Variants in PLEKHA7 observed in about 807,000 individuals in gnomAD.
PLEKHA7 encodes pleckstrin homology domain-containing family A member 7.
Under a neutral mutation model 170.0 loss-of-function variants are expected in PLEKHA7, and 104 were observed. The ratio of observed to expected loss-of-function variants is 0.61; its 90% CI spans 0.52 to 0.72. The LOEUF is 0.72. Among genes scored for constraint, PLEKHA7 ranks in the 30% least tolerant of loss-of-function variants. The probability of loss-of-function intolerance (pLI) is 0.00; values close to 1 mark genes in which losing one functional copy is unlikely to be tolerated. For synonymous variants in PLEKHA7, 648 were observed against 660.8 expected, an observed-to-expected ratio of 0.98 and a Z score of 0.30; for missense variants, 1,615 against 1,671.7, an observed-to-expected ratio of 0.97 and a Z score of 0.59.
At chr11:17,007,120 C>T (rs140925100) in intron 3 of PLEKHA7, among the ~76,000 whole-genome samples, 92 of 152,336 alleles carry the variant, frequency 6.0e-4, no homozygotes, top group African/African-American at 2.1e-3. Context: ...CTCCTCCCTG[C>T]TGCCCAGGGG....
intron 4 of PLEKHA7, among the ~76,000 whole-genome samples, chr11:16,862,935 CA>C (rs1854086387): frequency 7.0e-6 from 1 of 142,310 alleles, no homozygotes; most frequent in South Asian, 2.4e-4. Flanking sequence ...CATCTAGAGA[CA>C]AGGTGCTGGC....
Position 17,014,413 on chromosome 11 carries a change from G to A in PLEKHA7, c.-12C>T. 1 of 1,326,308 alleles carries A rather than the reference G, an allele frequency of 7.5e-7. No individual in the cohort carries two copies. Among genetic ancestry groups the A allele is most frequent in the Non-Finnish European group, 9.7e-7 (1 of 1,030,414 alleles). The allele number at this position is 1,326,308 out of a possible 1,614,324, so 82.2% of individuals were successfully genotyped here. Reference sequence around the variant, plus strand: ...GTCGCCGCCGCCATGTTCGCCGAGCGCGGAGCCGCCGCGGGGTGGGGGGGA... The same window carrying A: ...GTCGCCGCCGCCATGTTCGCCGAGCACGGAGCCGCCGCGGGGTGGGGGGGA... On this transcript the variant is annotated 5_prime_UTR_variant, in exon 1 of 27. Transcript: ENST00000531066.
intron 13 of PLEKHA7, among the ~76,000 whole-genome samples, chr11:16,804,890 G>T (rs571981770): frequency 7.9e-6 from 1 of 125,832 alleles, no homozygotes; most frequent in Non-Finnish European, 1.8e-5. Context: ...CCTGCAATGC[G>T]GGGGGGGCGG....
chr11:16,974,003 C>A (rs1185107833), intron 3 of PLEKHA7, among the ~76,000 whole-genome samples: 6 of 152,180 alleles, frequency 3.9e-5, no homozygotes, highest in Non-Finnish European at 7.3e-5. Flanking sequence ...TCATCACATA[C>A]CTTTTACAGT....
In PLEKHA7 at chr11:16,866,487, G is replaced by A. The variant is rs1340146332; in HGVS notation, c.305+4612C>T. ...GGCACCTGTAATCCCAGCTACTCGGGAGACTGAGGCAGAAGAATCGCTTGA... is the reference window on the plus strand; with the variant it reads ...GGCACCTGTAATCCCAGCTACTCGGAAGACTGAGGCAGAAGAATCGCTTGA... On this transcript the variant is annotated intron_variant, in intron 4 of 26. Transcript: ENST00000531066. Among the ~76,000 whole-genome samples, 3 of 152,220 alleles carry A rather than the reference G, an allele frequency of 2.0e-5. No homozygotes were observed. The East Asian group carries it at 5.8e-4, about 30-fold the overall frequency.
intron 13 of PLEKHA7, chr11:16,812,542 C>T (rs1299722444): frequency 1.3e-5 from 2 of 152,310 alleles, no homozygotes; most frequent in African/African-American, 4.8e-5. Flanking sequence ...GGCAGAATGC[C>T]TCCTGCCTTC....
rs377534796 is a variant in PLEKHA7, at chr11:16,783,671, T to C, written c.3650+29A>G. On this transcript the variant is annotated intron_variant, in intron 25 of 26. Coordinates refer to ENST00000531066, the MANE Select transcript of PLEKHA7 (RefSeq NM_001329630.2). ...GACGCCACCTGGGGTCAGGGTGACCTGCCAACACTTGAGCAAGCGAGGGCT... is the reference window on the plus strand; with the variant it reads ...GACGCCACCTGGGGTCAGGGTGACCCGCCAACACTTGAGCAAGCGAGGGCT... 1.7e-4 allele frequency: 234 copies of C among 1,379,756 alleles called. No homozygotes were observed. The Middle Eastern group carries it at 1.9e-3, about 11-fold the overall frequency. 85.5% of individuals were successfully genotyped at this position (1,379,756 alleles called of 1,614,324 possible).
chr11:16,895,238 T>C (rs1036133469), intron 3 of PLEKHA7, among the ~76,000 whole-genome samples: 1 of 152,204 alleles, frequency 6.6e-6, no homozygotes, highest in Non-Finnish European at 1.5e-5. Flanking sequence ...TCCTCATTTG[T>C]GTCTAGAAGT....
At chr11:16,929,237 C>T (rs1411735267) in intron 3 of PLEKHA7, among the ~76,000 whole-genome samples, 7 of 152,106 alleles carry the variant, frequency 4.6e-5, no homozygotes, top group Non-Finnish European at 1.0e-4. Flanking sequence ...AGTACATCGT[C>T]GCTAGGATAC....
intron 3 of PLEKHA7, among the ~76,000 whole-genome samples, chr11:16,906,917 G>C (rs1397387218): frequency 6.9e-6 from 1 of 145,844 alleles, no homozygotes; most frequent in Non-Finnish European, 1.5e-5. Context: ...CTGAGATGTG[G>C]GGAGCGCCTC....
At chr11:16,941,172 C>T (rs1860671534) in intron 3 of PLEKHA7, among the ~76,000 whole-genome samples, 1 of 152,084 alleles carries the variant, frequency 6.6e-6, no homozygotes, top group East Asian at 1.9e-4. Context: ...AAAATGGGTA[C>T]CCCTCCCTAG....
At chr11:16,987,217 A>T (rs917857364) in intron 3 of PLEKHA7, among the ~76,000 whole-genome samples, 1 of 151,948 alleles carries the variant, frequency 6.6e-6, no homozygotes, top group Non-Finnish European at 1.5e-5. Flanking sequence ...CCCACCAGTG[A>T]TCACTCCCTC....
intron 3 of PLEKHA7, among the ~76,000 whole-genome samples, chr11:16,931,770 A>G (rs1376080987): frequency 1.4e-5 from 2 of 147,868 alleles, no homozygotes; most frequent in African/African-American, 5.0e-5. Context: ...CCCCCCCCAA[A>G]AAAAAAAAAG....
At chr11:17,002,994 T>TTG (rs1475273514) in intron 3 of PLEKHA7, among the ~76,000 whole-genome samples, 1 of 149,076 alleles carries the variant, frequency 6.7e-6, no homozygotes, top group Non-Finnish European at 1.5e-5. Context: ...TGTGCCTTTT[T>TTG]TTTTTTTTTT....
chr11:16,886,377 A>T (rs755256540), intron 3 of PLEKHA7, among the ~76,000 whole-genome samples: 4 of 152,248 alleles, frequency 2.6e-5, no homozygotes, highest in African/African-American at 4.8e-5. Context: ...CCATTTAAAA[A>T]AAATAATTGA....
At chr11:16,932,626 A>G (rs1860023603) in intron 3 of PLEKHA7, among the ~76,000 whole-genome samples, 1 of 152,236 alleles carries the variant, frequency 6.6e-6, no homozygotes, top group South Asian at 2.1e-4. Context: ...TCTACAAATC[A>G]TGACTAGTAA....
chr11:17,007,656 C>G (rs1865089493), intron 3 of PLEKHA7, among the ~76,000 whole-genome samples: 1 of 151,150 alleles, frequency 6.6e-6, no homozygotes, highest in South Asian at 2.1e-4. Flanking sequence ...TCACGGCAAC[C>G]TCCGCTTCCC....
intron 3 of PLEKHA7, among the ~76,000 whole-genome samples, chr11:16,901,572 TA>T (rs1857339786): frequency 6.6e-6 from 1 of 152,124 alleles, no homozygotes; most frequent in African/African-American, 2.4e-5. Flanking sequence ...ACAATTCACT[TA>T]AAGTGTACAG....
chr11:16,850,666 G>A (rs191790871), intron 8 of PLEKHA7, among the ~76,000 whole-genome samples: 1 of 152,210 alleles, frequency 6.6e-6, no homozygotes, highest in Admixed American at 6.5e-5. Context: ...TAGGAAAGGG[G>A]TTTTACTGGT....
Sources: gnomAD v4.1 joint callset for allele counts (sites outside exome capture counted in the v4.1 genomes callset) on GRCh38, gnomAD v4.1.1 for gene constraint, MANE v1.5 for transcripts, NCBI Gene and HGNC (gene_info 2026-07-23, HGNC 2026-07-21) for gene names.